The following KHDRBS2 variants were observed in gnomAD, a reference collection of about 807,000 sequenced individuals.
KHDRBS2 encodes KH domain-containing, RNA-binding, signal transduction-associated protein 2.
Under a neutral mutation model 44.3 loss-of-function variants are expected in KHDRBS2, and 26 were observed. That is an observed-to-expected ratio of 0.59 (90% CI 0.43 to 0.81). The LOEUF (loss-of-function observed/expected upper bound fraction) is 0.81. Ranked by LOEUF, KHDRBS2 falls within the 40% of genes least tolerant of loss-of-function variation. The pLI is 0.00. For synonymous variants in KHDRBS2, 194 were observed against 151.1 expected (o/e 1.28, Z -2.08); for missense variants, 476 against 433.1 (o/e 1.10, Z -0.88).
intron 7 of KHDRBS2, among the ~76,000 whole-genome samples, chr6:61,723,875 G>A (rs1773113423): frequency 6.6e-6 from 1 of 152,132 alleles, no homozygotes; most frequent in African/African-American, 2.4e-5. Context: ...AGGGAGAATG[G>A]AACGAAGTTG....
chr6:62,226,827 T>C (rs75439531), intron 1 of KHDRBS2, among the ~76,000 whole-genome samples: 1 of 152,124 alleles, frequency 6.6e-6, no homozygotes, highest in Non-Finnish European at 1.5e-5. Flanking sequence ...AAAGATCAGA[T>C]GGTTGTAGAT....
chr6:62,227,767 A>T (rs1832159956), intron 1 of KHDRBS2, among the ~76,000 whole-genome samples: 1 of 151,436 alleles, frequency 6.6e-6, no homozygotes, highest in Admixed American at 6.6e-5. Context: ...CCTTTTCTGC[A>T]TCTGTTGAGA....
At position 62,149,240 on chromosome 6, in the gene KHDRBS2, G is replaced by T. The variant is rs563928213; in HGVS notation, c.219+27945C>A. 2.0e-5 allele frequency among the ~76,000 whole-genome samples: 3 copies of T among 152,100 alleles called. No homozygotes were observed. The East Asian group carries it at 5.8e-4, about 29-fold the overall frequency. ...AATTCTTTCAATTGCACTCAAAGTT[G>T]CTTATAACATCACAGCCACAACATA... On this transcript the variant is annotated intron_variant, in intron 2 of 8. Coordinates refer to ENST00000281156, the MANE Select transcript of KHDRBS2 (RefSeq NM_152688.4).
intron 5 of KHDRBS2, among the ~76,000 whole-genome samples, chr6:61,895,241 G>A (rs1472623390): frequency 1.3e-5 from 2 of 151,694 alleles, no homozygotes; most frequent in African/African-American, 4.8e-5. Context: ...GACCATCTCT[G>A]AAACTGAGCG....
chr6:61,785,807 A>G lies in KHDRBS2; in HGVS notation c.811-53043T>C, dbSNP rs576008751. 3.3e-5 allele frequency among the ~76,000 whole-genome samples: 5 copies of G among 152,264 alleles called. No individual in the cohort carries two copies. The East Asian group carries it at 9.6e-4, about 29-fold the overall frequency. ...TGGAAAAAAGAGAAAACAAAAGTAT[A>G]TACATTTTTTGCTTACGTAATAATA... On this transcript the variant is annotated intron_variant, in intron 6 of 8. Coordinates refer to ENST00000281156, the MANE Select transcript of KHDRBS2 (RefSeq NM_152688.4).
At chr6:61,969,452 A>T (rs1382010957) in intron 4 of KHDRBS2, among the ~76,000 whole-genome samples, 5 of 152,068 alleles carry the variant, frequency 3.3e-5, no homozygotes, top group Non-Finnish European at 1.5e-5. Context: ...TGTACTTTGC[A>T]TGAGGACTAG....
At position 61,978,223 on chromosome 6, in the gene KHDRBS2, G is replaced by T. The variant is rs759884944; in HGVS notation, c.337-11C>A. 1.3e-6 allele frequency: 2 copies of T among 1,595,448 alleles called. No individual in the cohort carries two copies. The highest frequency in any genetic ancestry group is 2.3e-5 in the South Asian group (2 of 87,476). The stretch of plus-strand genomic sequence containing the variant: ...CCTTAGTTCTTCTTCCTGTGAAAAA[G>T]GTTATTTTTAGAAATACAAATCCAC... On this transcript the variant is annotated splice_polypyrimidine_tract_variant and intron_variant, in intron 3 of 8. Coordinates refer to ENST00000281156, the MANE Select transcript of KHDRBS2 (RefSeq NM_152688.4).
intron 1 of KHDRBS2, among the ~76,000 whole-genome samples, chr6:62,268,046 A>T (rs1839486922): frequency 6.6e-6 from 1 of 152,076 alleles, no homozygotes; most frequent in African/African-American, 2.4e-5. Context: ...TATAGAGGGT[A>T]TTAATCCTAT....
the KHDRBS2 span, among the ~76,000 whole-genome samples, chr6:61,591,487 T>C: frequency 6.6e-6 from 1 of 152,134 alleles, no homozygotes; most frequent in Non-Finnish European, 1.5e-5. Flanking sequence ...GTAGTGATAT[T>C]TCCTGTTGGA....
intron 6 of KHDRBS2, among the ~76,000 whole-genome samples, chr6:61,759,019 G>A (rs1314516061): frequency 3.3e-5 from 5 of 152,086 alleles, no homozygotes; most frequent in African/African-American, 1.2e-4. Context: ...AAGAATTTAT[G>A]TGGCATAGTG....
chr6:62,024,254 A>G (rs1234183429), intron 3 of KHDRBS2, among the ~76,000 whole-genome samples: 1 of 151,464 alleles, frequency 6.6e-6, no homozygotes, highest in East Asian at 1.9e-4. Flanking sequence ...AAAATAATTA[A>G]ATCGAAATTT....
intron 1 of KHDRBS2, among the ~76,000 whole-genome samples, chr6:62,207,077 G>C (rs1368542397): frequency 1.3e-5 from 2 of 151,968 alleles, no homozygotes; most frequent in South Asian, 2.1e-4. Flanking sequence ...TAATTTTGTA[G>C]GGTTAAGTAG....
At chr6:62,095,565 T>C (rs796927798) in intron 2 of KHDRBS2, among the ~76,000 whole-genome samples, 2 of 151,900 alleles carry the variant, frequency 1.3e-5, no homozygotes, top group African/African-American at 2.4e-5. Flanking sequence ...GTATTCTTCA[T>C]GATGTTTTCA....
chr6:61,919,760 C>T (rs768967516), intron 4 of KHDRBS2, among the ~76,000 whole-genome samples: 10 of 151,916 alleles, frequency 6.6e-5, no homozygotes, highest in Non-Finnish European at 1.2e-4. Context: ...AACCATCACA[C>T]CTTTCAAATT....
chr6:61,674,471 A>T, the KHDRBS2 span, among the ~76,000 whole-genome samples: 9 of 151,868 alleles, frequency 5.9e-5, no homozygotes, highest in Middle Eastern at 3.4e-3. Flanking sequence ...CTGTAAAATG[A>T]GTTTAATTAT....
At chr6:61,859,682 A>T (rs1454089891) in intron 6 of KHDRBS2, among the ~76,000 whole-genome samples, 6 of 151,978 alleles carry the variant, frequency 3.9e-5, no homozygotes, top group African/African-American at 1.4e-4. Context: ...TAATCACACA[A>T]GAGAATAAGT....
chr6:61,676,484 G>C (rs1375265717), downstream of KHDRBS2, among the ~76,000 whole-genome samples: 1 of 151,712 alleles, frequency 6.6e-6, no homozygotes, highest in Non-Finnish European at 1.5e-5. Context: ...TGGTGGCAGG[G>C]AGCAGCTGAT....
intron 2 of KHDRBS2, among the ~76,000 whole-genome samples, chr6:62,065,299 C>T (rs1383983393): frequency 6.6e-5 from 10 of 151,798 alleles, no homozygotes; most frequent in East Asian, 1.9e-4. Flanking sequence ...ACCCAAATGA[C>T]TATAAATCAT....
intron 4 of KHDRBS2, among the ~76,000 whole-genome samples, chr6:61,951,645 C>G (rs528596617): frequency 6.6e-6 from 1 of 151,936 alleles, no homozygotes; most frequent in Non-Finnish European, 1.5e-5. Flanking sequence ...GGTACTTTAA[C>G]GAATTCAAAG....
Sources: allele counts gnomAD v4.1 joint callset (sites outside exome capture counted in the v4.1 genomes callset), GRCh38; gene constraint gnomAD v4.1.1; transcripts MANE v1.5; gene names NCBI Gene and HGNC (gene_info 2026-07-23, HGNC 2026-07-21).